The following DKK2 variants were observed in gnomAD, a reference collection of about 807,000 sequenced individuals.
DKK2 encodes dickkopf Wnt signaling pathway inhibitor 2, also known as dickkopf-related protein 2.
In DKK2, 11 loss-of-function variants were observed where a neutral mutation model predicts 28.1. The observed-to-expected ratio is 0.39, with a 90% confidence interval of 0.25 to 0.65. The LOEUF (loss-of-function observed/expected upper bound fraction) is 0.65, where lower values mean the gene tolerates loss of function less well. DKK2 is among the 30% of genes least tolerant of loss of function. The pLI is 0.47. For synonymous variants in DKK2, 135 were observed against 126.5 expected (o/e 1.07, Z -0.45); for missense variants, 326 against 335.5 (o/e 0.97, Z 0.22).
chr4:106,961,051 C>T (rs1055920397), intron 1 of DKK2, among the ~76,000 whole-genome samples: 72 of 152,182 alleles, frequency 4.7e-4, no homozygotes, highest in African/African-American at 1.7e-3. Flanking sequence ...GAAGTTTTCT[C>T]TTTCTGCAAG....
In DKK2 at chr4:106,925,821, G is replaced by C. The variant is rs770936945; in HGVS notation, c.351C>G (p.Cys117Trp). 6.2e-7 allele frequency: 1 copy of C among 1,612,284 alleles called. No individual in the cohort carries two copies. Among genetic ancestry groups the C allele is most frequent in the South Asian group, 1.1e-5 (1 of 90,964 alleles). ...KKRCHRDGMC[C>W]PSTRCNNGIC... ...TACCATTATTGCAGCGGGTACTGGG[G>C]CAGCACATGCCATCTCGGTGGCAGC... is the stretch of plus-strand genomic sequence containing the variant. Residue 117 changes from cysteine to tryptophan, a missense_variant, in exon 2 of 4, where the codon TGC (cysteine) becomes TGG (tryptophan). Transcript: ENST00000285311.
At chr4:106,944,388 A>T (rs1246844725) in intron 1 of DKK2, among the ~76,000 whole-genome samples, 1 of 152,152 alleles carries the variant, frequency 6.6e-6, no homozygotes, top group Non-Finnish European at 1.5e-5. Context: ...ATTGAACCAA[A>T]TTCATTTCAA....
At chr4:107,028,891 G>A (rs866065134) in intron 1 of DKK2, among the ~76,000 whole-genome samples, 6 of 152,224 alleles carry the variant, frequency 3.9e-5, no homozygotes, top group Non-Finnish European at 8.8e-5. Flanking sequence ...GGACAGGGGA[G>A]TTTGTTGCTG....
intron 1 of DKK2, among the ~76,000 whole-genome samples, chr4:106,981,888 A>G (rs1025695201): frequency 6.6e-6 from 1 of 152,168 alleles, no homozygotes; most frequent in Non-Finnish European, 1.5e-5. Flanking sequence ...CAGCTAAATT[A>G]TAAATTTTTA....
chr4:106,990,704 C>T (rs1723190503), intron 1 of DKK2, among the ~76,000 whole-genome samples: 1 of 152,092 alleles, frequency 6.6e-6, no homozygotes, highest in East Asian at 1.9e-4. Context: ...AGTCCAGTCT[C>T]CAGCTAGTGT....
intron 1 of DKK2, among the ~76,000 whole-genome samples, chr4:106,983,037 TGAAA>T (rs201972964): frequency 0.032 from 3,372 of 104,362 alleles, 41 homozygotes; most frequent in Non-Finnish European, 0.043. Context: ...AGAAGAAAGA[TGAAA>T]GAAAGAAAGA....
At chr4:107,027,854 C>T (rs944900571) in intron 1 of DKK2, among the ~76,000 whole-genome samples, 1 of 151,672 alleles carries the variant, frequency 6.6e-6, no homozygotes, top group Non-Finnish European at 1.5e-5. Flanking sequence ...CGGGTTCACG[C>T]CATTCTCCTG....
intron 1 of DKK2, among the ~76,000 whole-genome samples, chr4:106,978,242 C>G (rs1447252372): frequency 2.0e-5 from 3 of 152,202 alleles, no homozygotes; most frequent in Non-Finnish European, 2.9e-5. Flanking sequence ...AGAAGCCAGT[C>G]TGTCCCTTAG....
At chr4:106,948,483 G>A (rs150494184) in intron 1 of DKK2, among the ~76,000 whole-genome samples, 5 of 152,098 alleles carry the variant, frequency 3.3e-5, no homozygotes, top group African/African-American at 1.2e-4. Context: ...GCTTGTAGGG[G>A]GTACTTGCTT....
intron 1 of DKK2, among the ~76,000 whole-genome samples, chr4:107,021,378 C>T (rs908468116): frequency 6.6e-6 from 1 of 151,766 alleles, no homozygotes; most frequent in South Asian, 2.1e-4. Flanking sequence ...TTCTAAAGAA[C>T]GTTCTACATA....
chr4:106,972,867 C>T (rs1722887674), intron 1 of DKK2, among the ~76,000 whole-genome samples: 1 of 152,078 alleles, frequency 6.6e-6, no homozygotes. Context: ...TTAGGTATTT[C>T]TCCTAATGCT....
intron 1 of DKK2, among the ~76,000 whole-genome samples, chr4:107,003,322 AC>A (rs1403498300): frequency 6.6e-6 from 1 of 152,188 alleles, no homozygotes; most frequent in Admixed American, 6.5e-5. Flanking sequence ...GCACATCAGG[AC>A]CACTACAAAC....
chr4:106,968,906 T>G (rs999175787), intron 1 of DKK2, among the ~76,000 whole-genome samples: 4 of 152,194 alleles, frequency 2.6e-5, no homozygotes, highest in Non-Finnish European at 5.9e-5. Flanking sequence ...AGATACACAG[T>G]CATATTCTTC....
chr4:106,924,822 C>T (rs549927928), intron 2 of DKK2, 122 bp from the exon 3 acceptor site: 4 of 942,152 alleles, frequency 4.2e-6, no homozygotes, highest in African/African-American at 1.7e-5. Context: ...TCTATCTATC[C>T]ACCCATCCAT....
intron 1 of DKK2, among the ~76,000 whole-genome samples, chr4:106,931,916 A>T (rs2110340465): frequency 6.6e-6 from 1 of 152,304 alleles, no homozygotes; most frequent in South Asian, 2.1e-4. Flanking sequence ...TCAAAATTCC[A>T]AATTTTACTT....
chr4:106,962,997 G>A (rs1046631336), intron 1 of DKK2, among the ~76,000 whole-genome samples: 15 of 151,972 alleles, frequency 9.9e-5, no homozygotes, highest in South Asian at 4.2e-4. Flanking sequence ...GAGGCAGAGG[G>A]TGCAGTGAGC....
intron 1 of DKK2, among the ~76,000 whole-genome samples, chr4:106,968,576 T>C (rs989255200): frequency 5.3e-5 from 8 of 151,478 alleles, no homozygotes; most frequent in Non-Finnish European, 1.2e-4. Context: ...GACCATGCTT[T>C]ATATATTCTT....
chr4:106,945,916 C>T (rs79650297), intron 1 of DKK2, among the ~76,000 whole-genome samples: 3,651 of 152,190 alleles, frequency 0.024, 60 homozygotes, highest in Non-Finnish European at 0.036. Context: ...AGCCATGGAT[C>T]CTTAAATTCA....
chr4:106,994,712 T>C (rs1723247894), intron 1 of DKK2, among the ~76,000 whole-genome samples: 1 of 152,194 alleles, frequency 6.6e-6, no homozygotes, highest in Admixed American at 6.5e-5. Context: ...AATTAGAGCT[T>C]GCAAGGAACT....
Sources: gnomAD v4.1 joint callset for allele counts (sites outside exome capture counted in the v4.1 genomes callset) on GRCh38, gnomAD v4.1.1 for gene constraint, MANE v1.5 for transcripts, NCBI Gene and HGNC (gene_info 2026-07-23, HGNC 2026-07-21) for gene names.